The following TTN variants were observed in gnomAD, a reference collection of about 807,000 sequenced individuals.
TTN encodes the protein titin.
Under a neutral mutation model 3,223.0 loss-of-function variants are expected in TTN, and 1,525 were observed. The observed-to-expected ratio is 0.47, with a 90% CI of 0.45 to 0.49. The LOEUF (loss-of-function observed/expected upper bound fraction) is 0.49. Ranked by LOEUF, TTN falls within the 20% of genes least tolerant of loss-of-function variation. The probability of loss-of-function intolerance (pLI) is 0.00; values close to 1 mark genes in which losing one functional copy is unlikely to be tolerated. For synonymous variants in TTN, 14,094 were observed against 15,161.0 expected (o/e 0.93, Z 5.17); for missense variants, 40,786 against 43,424.0 (o/e 0.94, Z 5.40).
chr2:178,716,486 C>G (rs955199808), intron 88 of TTN, among the ~76,000 whole-genome samples: 1 of 152,142 alleles, frequency 6.6e-6, no homozygotes, highest in Non-Finnish European at 1.5e-5. Context: ...CTCTAATGGA[C>G]TAGACTAGCA....
Position 178,566,773 on chromosome 2 carries a change from T to A in TTN, c.79359A>T (p.Glu26453Asp), listed in dbSNP as rs1299909025. The change falls in exon 326 of 363, where the codon GAA becomes GAT. Residue 26453 changes from glutamate (E) to aspartate (D), a missense_variant. Glu to Asp is a conservative substitution (Grantham distance 45, BLOSUM62 2). Coordinates refer to ENST00000589042, the MANE Select transcript of TTN (RefSeq NM_001267550.2). ...AGACCCTGAATTCATACTCATGATC[T>A]TCTGTTAATCCTGTCACTCTTAGAC... The part of the protein sequence containing the change: ...DLRLRVTGLT[E>D]DHEYEFRVSA... 6.2e-7 allele frequency: 1 copy of A among 1,613,412 alleles called. No homozygotes were observed. Among genetic ancestry groups the A allele is most frequent in the East Asian group, 2.2e-5 (1 of 44,808 alleles).
In TTN at chr2:178,528,768, G is replaced by T; in HGVS notation, c.106983C>A (p.Thr35661=). The T allele has an allele frequency of 6.2e-7, 1 of 1,612,722 alleles. No homozygotes were observed. Among genetic ancestry groups the T allele is most frequent in the Non-Finnish European group, 8.5e-7 (1 of 1,179,036 alleles). Residue 35661 remains threonine, a synonymous_variant, in exon 360 of 363, where the codon ACC becomes ACA. Transcript: ENST00000589042. ...YRYGVSGSDQ[T]LTIKQASHRD... Reference sequence around the variant, plus strand: ...TGTGACTGGCTTGCTTGATGGTTAGGGTCTGATCGCTGCCTGAGACACCAT... The same window carrying T: ...TGTGACTGGCTTGCTTGATGGTTAGTGTCTGATCGCTGCCTGAGACACCAT...
Position 178,533,261 on chromosome 2 carries a change from G to A in TTN, c.103354C>T (p.Gln34452Ter), listed in dbSNP as rs1182227611. 1.2e-6 allele frequency: 2 copies of A among 1,613,940 alleles called. No individual in the cohort carries two copies. Among genetic ancestry groups the A allele is most frequent in the East Asian group, 2.2e-5 (1 of 44,870 alleles). The change falls in exon 358 of 363, where the codon CAA (glutamine) becomes TAA (stop). Residue 34452 changes from glutamine (Q) to a stop codon, truncating the protein, a stop_gained. Transcript: ENST00000589042. LOFTEE classifies it high-confidence loss of function. ...TTCTTGTACCTCAGGCGTTCCACTT[G>A]TAGGTGAGCCTGGCAGCTGGTGGAC... is the stretch of plus-strand genomic sequence containing the variant. ...AGSTSCQAHL[Q>*]VERLRYKKQE...
At chr2:178,697,322 A>G (rs896865758) in intron 112 of TTN, among the ~76,000 whole-genome samples, 154 bp from the exon 113 acceptor site, 2 of 152,098 alleles carry the variant, frequency 1.3e-5, no homozygotes, top group African/African-American at 2.4e-5. Context: ...TGCTTCTATA[A>G]TTTCCAAATC....
rs201184203 is a variant in TTN at position 178,664,094 on chromosome 2, G to A, written c.36285C>T (p.His12095=). Residue 12095 remains histidine (H), a synonymous_variant, in exon 169 of 363, where the codon CAC becomes CAT. Transcript: ENST00000589042. ...CAGGGATAATCTCTTTGGGAGCTTCGTGCACTTGAAAGATATTAGTATTTT... is the reference window on the plus strand; with the variant it reads ...CAGGGATAATCTCTTTGGGAGCTTCATGCACTTGAAAGATATTAGTATTTT... ...QRAEVVPVKV[H]EAPKEIIPEK... The A allele has an allele frequency of 1.8e-3, 2,945 of 1,608,628 alleles. 3 individuals are homozygous for A. Among genetic ancestry groups the A allele is most frequent in the South Asian group, 2.5e-3 (222 of 90,288 alleles).
intron 270 of TTN, 151 bp downstream of exon 270, chr2:178,610,842 T>C (rs2115559): frequency 1.0e-6 from 1 of 986,860 alleles, no homozygotes; most frequent in Non-Finnish European, 1.5e-6. Context: ...AGAATTGTTT[T>C]ACTTCTCCTA....
intron 97 of TTN, 64 bp downstream of exon 97, chr2:178,710,998 C>T: frequency 1.3e-6 from 2 of 1,547,728 alleles, no homozygotes; most frequent in South Asian, 2.5e-5. Context: ...AGAAATTTCT[C>T]CCTAAGTTCA....
intron 43 of TTN, 76 bp downstream of exon 43, chr2:178,764,101 G>T: frequency 4.4e-6 from 7 of 1,599,732 alleles, no homozygotes; most frequent in Non-Finnish European, 6.0e-6. Context: ...TGTGATGGAG[G>T]AGAAGCTGAC....
rs770574446 is a variant in TTN at position 178,533,199 on chromosome 2, G to C, written c.103416C>G (p.His34472Gln). ...EFKSKEEHER[H>Q]VQKQIDKTLR... is the part of the protein sequence containing the mutation. ...GGGTTTTGTCAATTTGTTTTTGTAC[G>C]TGTCGCTCATGCTCCTCCTTACTCT... is the stretch of plus-strand genomic sequence containing the variant. Residue 34472 changes from histidine to glutamine, a missense_variant, in exon 358 of 363, where the codon CAC becomes CAG. Physicochemically the swap from His to Gln is conservative, Grantham distance 24. Transcript: ENST00000589042. 1.4e-5 allele frequency: 22 copies of C among 1,613,738 alleles called. No individual in the cohort carries two copies. The highest frequency in any genetic ancestry group is 1.7e-5 in the Non-Finnish European group (20 of 1,179,868).
chr2:178,529,903 A>C, intron 359 of TTN, 57 bp downstream of exon 359: 1 of 1,532,988 alleles, frequency 6.5e-7, no homozygotes, highest in Middle Eastern at 1.8e-4. Flanking sequence ...ATGTTTGAAA[A>C]TATTTCCCTA....
At chr2:178,749,734 A>C (rs1231617576) in intron 47 of TTN, 1 of 1,612,996 alleles carries the variant, frequency 6.2e-7, no homozygotes, top group South Asian at 1.1e-5. Flanking sequence ...AATCTTGAGA[A>C]TTAACATCCT....
intron 43 of TTN, among the ~76,000 whole-genome samples, chr2:178,760,289 T>A (rs997360786): frequency 3.9e-5 from 6 of 152,156 alleles, no homozygotes; most frequent in Admixed American, 3.9e-4. Flanking sequence ...CCCAGCACTT[T>A]GGGAGGCTGA....
At chr2:178,758,856 T>G in intron 44 of TTN, 128 bp downstream of exon 44, 1 of 965,640 alleles carries the variant, frequency 1.0e-6, no homozygotes, top group Non-Finnish European at 1.6e-6. Context: ...AACAGGGAAA[T>G]AATTAGTTGA....
chr2:178,652,609 T>C (rs1209162672), intron 201 of TTN, 44 bp downstream of exon 201: 2 of 1,610,636 alleles, frequency 1.2e-6, no homozygotes, highest in African/African-American at 1.3e-5. Flanking sequence ...TTTTCAAGAG[T>C]AGAAGAGATA....
In TTN at chr2:178,773,924, T is replaced by A. The variant is rs1462312746; in HGVS notation, c.7244A>T (p.Glu2415Val). Residue 2415 changes from glutamate (E) to valine (V), a missense_variant, in exon 31 of 363, where the codon GAA becomes GTA. Transcript: ENST00000589042. ...TCCAGCATCTTCCTTAGTCATGTCT[T>A]CAATGAGCAGCATATGAGATTGTTT... The part of the protein sequence containing the change: ...IDKQSHMLLI[E>V]DMTKEDAGNY... 8 of 1,613,980 alleles carry A rather than the reference T, an allele frequency of 5.0e-6. No homozygotes were observed. The highest frequency in any genetic ancestry group is 6.8e-6 in the Non-Finnish European group (8 of 1,179,992).
rs1698703188 is a variant in TTN at position 178,550,031 on chromosome 2, T to G, written c.91807A>C (p.Asn30603His). ...HRGVYTVEAK[N>H]ASGSAKAEIK... ...TCTGCTTTTGCAGAACCAGATGCAT[T>G]TTTGGCTTCCACTGTGTATACACCA... The change falls in exon 337 of 363, where the codon AAT becomes CAT. Residue 30603 changes from asparagine (N) to histidine (H), a missense_variant. Asn to His is a moderately conservative substitution (Grantham distance 68, BLOSUM62 1). Coordinates refer to ENST00000589042, the MANE Select transcript of TTN (RefSeq NM_001267550.2). The G allele has an allele frequency of 1.2e-6, 2 of 1,611,644 alleles. No homozygotes were observed. The highest frequency in any genetic ancestry group is 1.7e-6 in the Non-Finnish European group (2 of 1,178,240).
intron 330 of TTN, 102 bp from the exon 331 acceptor site, chr2:178,555,254 TACAC>T: frequency 1.9e-6 from 2 of 1,033,086 alleles, no homozygotes; most frequent in East Asian, 2.5e-5. Flanking sequence ...TATTAAATTA[TACAC>T]ACACACCATC....
rs1387731794 is a variant in TTN, at chr2:178,723,255, C to A, written c.21752G>T (p.Ser7251Ile). 6.2e-7 allele frequency: 1 copy of A among 1,613,550 alleles called. No homozygotes were observed. Residue 7251 changes from serine (S) to isoleucine (I), a missense_variant, in exon 75 of 363, where the codon AGC becomes ATC. Ser to Ile is a moderately radical substitution (Grantham distance 142, BLOSUM62 -2). Coordinates refer to ENST00000589042, the MANE Select transcript of TTN (RefSeq NM_001267550.2). ...VEPGKSIILE[S>I]TYTGTLPISV... Reference sequence around the variant, plus strand: ...AATTGGAAGTGTTCCAGTGTAGGTGCTCTCCAGAATTATGGACTTCCCTGG... The same window carrying A: ...AATTGGAAGTGTTCCAGTGTAGGTGATCTCCAGAATTATGGACTTCCCTGG...
chr2:178,619,237 C>T, intron 250 of TTN: 1 of 355,896 alleles, frequency 2.8e-6, no homozygotes, highest in African/African-American at 2.2e-5. Flanking sequence ...ATGGCTTTTT[C>T]ATAAGGACAG....
Sources: allele counts gnomAD v4.1 joint callset (sites outside exome capture counted in the v4.1 genomes callset), GRCh38; gene constraint gnomAD v4.1.1; transcripts MANE v1.5; gene names NCBI Gene and HGNC (gene_info 2026-07-23, HGNC 2026-07-21).